Variants in COL26A1 observed in about 807,000 individuals in gnomAD.
The protein encoded by COL26A1 is collagen alpha-1(XXVI) chain.
Under a neutral mutation model 59.3 loss-of-function variants are expected in COL26A1, and 41 were observed. That is an observed-to-expected ratio of 0.69 (90% CI 0.54 to 0.90). The LOEUF is 0.90. Among genes scored for constraint, COL26A1 ranks in the 40% least tolerant of loss-of-function variants. The pLI is 0.00. For synonymous variants in COL26A1, 266 were observed against 256.0 expected (o/e 1.04, Z -0.37); for missense variants, 612 against 602.3 (o/e 1.02, Z -0.17).
chr7:101,434,807 G>T lies in COL26A1; in HGVS notation c.282-12877G>T, dbSNP rs559390606. Among the ~76,000 whole-genome samples, 527 of 152,284 alleles carry T rather than the reference G, an allele frequency of 3.5e-3. 5 individuals are homozygous for T. The highest frequency in any genetic ancestry group is 0.012 in the African/African-American group (488 of 41,550). ...AGATCATGTGTTCATCTATTCAATT[G>T]TTCATTCAATGTTGTCTGAGCAGTG... On this transcript the variant is annotated intron_variant, in intron 2 of 12. Coordinates refer to ENST00000313669, the MANE Select transcript of COL26A1 (RefSeq NM_001278563.3).
intron 1 of COL26A1, among the ~76,000 whole-genome samples, chr7:101,407,351 A>C (rs1413998408): frequency 1.3e-5 from 2 of 152,088 alleles, no homozygotes; most frequent in African/African-American, 2.4e-5. Flanking sequence ...ACCTGTCCTC[A>C]ACAGCCCTCA....
At chr7:101,442,919 G>A (rs115296032) in intron 2 of COL26A1, among the ~76,000 whole-genome samples, 5,828 of 150,618 alleles carry the variant, frequency 0.039, 208 homozygotes, top group African/African-American at 0.084. Context: ...GAGTGTGAGA[G>A]AGCAAATGAG....
chr7:101,413,271 C>T (rs1287034483), intron 1 of COL26A1, among the ~76,000 whole-genome samples: 1 of 152,152 alleles, frequency 6.6e-6, no homozygotes, highest in Non-Finnish European at 1.5e-5. Flanking sequence ...ATAATCCCAG[C>T]ACTTTGGGAG....
At chr7:101,414,627 A>C (rs956340552) in intron 1 of COL26A1, among the ~76,000 whole-genome samples, 3 of 152,002 alleles carry the variant, frequency 2.0e-5, no homozygotes, top group African/African-American at 7.3e-5. Flanking sequence ...ATTAGAGACG[A>C]GGTTTTGCCA....
chr7:101,480,159 T>C (rs1036589366), intron 3 of COL26A1, among the ~76,000 whole-genome samples: 1 of 152,112 alleles, frequency 6.6e-6, no homozygotes, highest in Non-Finnish European at 1.5e-5. Context: ...TCAGATAATA[T>C]CCTCATTCTC....
intron 3 of COL26A1, among the ~76,000 whole-genome samples, chr7:101,478,285 GAT>G (rs1443596924): frequency 6.6e-6 from 1 of 152,172 alleles, no homozygotes; most frequent in African/African-American, 2.4e-5. Context: ...CCAGCTCATT[GAT>G]ATCTTTTAAG....
intron 3 of COL26A1, among the ~76,000 whole-genome samples, chr7:101,492,952 C>G (rs1318877932): frequency 1.3e-5 from 2 of 151,952 alleles, no homozygotes; most frequent in East Asian, 3.9e-4. Flanking sequence ...GTCTCAAACT[C>G]CTGGGCTCAA....
intron 1 of COL26A1, among the ~76,000 whole-genome samples, chr7:101,374,826 C>T (rs569867445): frequency 2.0e-5 from 3 of 152,186 alleles, no homozygotes; most frequent in African/African-American, 4.8e-5. Flanking sequence ...GAGGCCAAGG[C>T]GGGCAGATCA....
chr7:101,463,545 TC>T (rs1793664783), intron 3 of COL26A1, among the ~76,000 whole-genome samples: 2 of 47,590 alleles, frequency 4.2e-5, no homozygotes, highest in Admixed American at 2.9e-4. Flanking sequence ...CCCCCTTCCC[TC>T]CCCTTTTCTT....
intron 3 of COL26A1, among the ~76,000 whole-genome samples, chr7:101,513,662 G>A (rs1488129075): frequency 6.6e-6 from 1 of 152,082 alleles, no homozygotes; most frequent in Admixed American, 6.6e-5. Flanking sequence ...TCCCTTTAAG[G>A]TCATGAATGG....
intron 3 of COL26A1, among the ~76,000 whole-genome samples, chr7:101,465,289 C>T (rs1044222128): frequency 6.6e-5 from 10 of 152,142 alleles, no homozygotes; most frequent in African/African-American, 1.7e-4. Context: ...ATCCTCCTGC[C>T]TCAGCTTCTC....
At chr7:101,369,614 A>G (rs1369262753) in intron 1 of COL26A1, among the ~76,000 whole-genome samples, 1 of 150,100 alleles carries the variant, frequency 6.7e-6, no homozygotes, top group Non-Finnish European at 1.5e-5. Context: ...ACACCCGGCT[A>G]ATATTTTTGT....
At chr7:101,498,376 C>G (rs1314950939) in intron 3 of COL26A1, among the ~76,000 whole-genome samples, 1 of 152,116 alleles carries the variant, frequency 6.6e-6, no homozygotes, top group Admixed American at 6.6e-5. Context: ...CCTCGGGGCT[C>G]CCCCTGGACA....
intron 1 of COL26A1, 130 bp from the exon 2 acceptor site, chr7:101,419,847 C>A: frequency 2.3e-6 from 2 of 879,118 alleles, no homozygotes. Context: ...CTCAGTGGGC[C>A]CCCCATCCAA....
intron 1 of COL26A1, among the ~76,000 whole-genome samples, chr7:101,408,715 G>T (rs954533741): frequency 6.6e-6 from 1 of 152,220 alleles, no homozygotes; most frequent in Non-Finnish European, 1.5e-5. Context: ...TCTGGGCTCT[G>T]GGGCTGCAGT....
chr7:101,492,272 C>T lies in COL26A1; in HGVS notation c.386-40810C>T, dbSNP rs187743926. Among the ~76,000 whole-genome samples, 412 of 152,188 alleles carry T rather than the reference C, an allele frequency of 2.7e-3. 1 individual carries two copies. Among genetic ancestry groups the T allele is most frequent in the Middle Eastern group, 0.01 (3 of 294 alleles). On this transcript the variant is annotated intron_variant, in intron 3 of 12. Transcript: ENST00000313669. ...GATAAAAATAATAGCAAAAATCACA[C>T]GGAACATGATGAGGATTTGCCACTG...
chr7:101,501,212 G>GAAAAAAAAAA (rs1794699771), intron 3 of COL26A1, among the ~76,000 whole-genome samples: 2 of 89,744 alleles, frequency 2.2e-5, no homozygotes, highest in African/African-American at 8.3e-5. Flanking sequence ...GAAAAGAAAA[G>GAAAAAAAAAA]AAAAGAAAAA....
intron 3 of COL26A1, among the ~76,000 whole-genome samples, chr7:101,495,484 C>CT: frequency 6.6e-6 from 1 of 152,012 alleles, no homozygotes; most frequent in Admixed American, 6.5e-5. Context: ...TCTCGGCTTA[C>CT]TGCAAGCTCC....
rs545613244 is a variant in COL26A1, at chr7:101,382,116, A to C, written c.158+18926A>C. Reference sequence around the variant, plus strand: ...TGGGCTAGAGTGCAGTTGCATGATTATGGCTTACTGCAGTTTCATACTCCT... The same window carrying C: ...TGGGCTAGAGTGCAGTTGCATGATTCTGGCTTACTGCAGTTTCATACTCCT... On this transcript the variant is annotated intron_variant, in intron 1 of 12. Transcript: ENST00000313669. Among the ~76,000 whole-genome samples the C allele has an allele frequency of 1.1e-4, 16 of 152,258 alleles. No homozygotes were observed. The South Asian group carries it at 3.3e-3, about 32-fold the overall frequency.
Sources: gnomAD v4.1 joint callset for allele counts (sites outside exome capture counted in the v4.1 genomes callset) on GRCh38, gnomAD v4.1.1 for gene constraint, MANE v1.5 for transcripts, NCBI Gene and HGNC (gene_info 2026-07-23, HGNC 2026-07-21) for gene names.